TMOD3: variants seen among roughly 807,000 people sequenced by gnomAD.
TMOD3 encodes the protein tropomodulin 3, also known as tropomodulin-3.
A neutral mutation model predicts 39.2 loss-of-function variants in TMOD3; 20 were observed. That is an observed-to-expected ratio of 0.51 (90% CI 0.36 to 0.74). The LOEUF is 0.74. Among genes scored for constraint, TMOD3 ranks in the 30% least tolerant of loss-of-function variants. The pLI is 0.00. For synonymous variants in TMOD3, 143 were observed against 145.8 expected (o/e 0.98, Z 0.14); for missense variants, 381 against 412.8 (o/e 0.92, Z 0.67).
At chr15:51,860,580 A>T in intron 1 of TMOD3, 1 of 561,950 alleles carries the variant, frequency 1.8e-6, no homozygotes, top group Non-Finnish European at 3.5e-6. Context: ...GTTGGAATGA[A>T]TGGCCAACAT....
rs537928199 is a variant in TMOD3 at position 51,893,376 on chromosome 15, G to T, written c.497-439G>T. 2.3e-4 allele frequency among the ~76,000 whole-genome samples: 35 copies of T among 151,604 alleles called. No individual in the cohort carries two copies. In the South Asian group the frequency reaches 7.3e-3, roughly 32 times the overall value. ...TAAAGGATCTTTTCGGAATTGTGGG[G>T]ATGGAACTTTTAAATCTGTCCCCTT... On this transcript the variant is annotated intron_variant, in intron 5 of 9. Coordinates refer to ENST00000308580, the MANE Select transcript of TMOD3 (RefSeq NM_014547.5).
rs2056715716 is a variant in TMOD3, at chr15:51,912,355, A to T, written c.*3545A>T. 1 of 151,704 alleles carries T rather than the reference A, an allele frequency of 6.6e-6. No individual in the cohort carries two copies. Among genetic ancestry groups the T allele is most frequent in the Non-Finnish European group, 1.5e-5 (1 of 67,972 alleles). 9.4% of individuals were successfully genotyped at this position (151,704 alleles called of 1,614,324 possible). ...GGCAGGAGAATCACTAGAACTCGGG[A>T]GGCGGAGGTTGCAGTTAGCTGAGGT... On this transcript the variant is annotated 3_prime_UTR_variant, in exon 10 of 10. Transcript: ENST00000308580.
rs575263003 is a variant in TMOD3, at chr15:51,884,439, A to C, written c.284-3150A>C. 4.6e-5 allele frequency: 7 copies of C among 152,342 alleles called. No homozygotes were observed. In the East Asian group the frequency reaches 1.3e-3, roughly 29 times the overall value. The allele number at this position is 152,342 out of a possible 1,614,324, so 9.4% of individuals were successfully genotyped here. On this transcript the variant is annotated intron_variant, in intron 3 of 9. Transcript: ENST00000308580. ...GATTTCAGTTTGGGACAGACACTAT[A>C]GTTGCCCATTGAACAACCATTCACA...
intron 1 of TMOD3, among the ~76,000 whole-genome samples, chr15:51,856,153 C>A (rs2056386722): frequency 6.6e-6 from 1 of 152,134 alleles, no homozygotes; most frequent in East Asian, 1.9e-4. Context: ...TTCCCAGCTA[C>A]CTGGTAGGCT....
chr15:51,862,697 G>T (rs1253492573), intron 1 of TMOD3, 114 bp from the exon 2 acceptor site: 1 of 379,378 alleles, frequency 2.6e-6, no homozygotes, highest in Non-Finnish European at 4.6e-6. Flanking sequence ...TATGTGATAT[G>T]TGATCAAAGA....
intron 3 of TMOD3, among the ~76,000 whole-genome samples, chr15:51,872,237 A>G (rs145228903): frequency 2.0e-5 from 3 of 152,308 alleles, no homozygotes; most frequent in Admixed American, 2.0e-4. Context: ...TCTACTAAAA[A>G]TACAAAATAG....
At chr15:51,873,883 A>G (rs2056488342) in intron 3 of TMOD3, among the ~76,000 whole-genome samples, 1 of 152,130 alleles carries the variant, frequency 6.6e-6, no homozygotes, top group South Asian at 2.1e-4. Flanking sequence ...TGGCCTCCCA[A>G]AGTGCTGGGA....
intron 1 of TMOD3, among the ~76,000 whole-genome samples, chr15:51,862,048 G>C (rs192128968): frequency 1.6e-3 from 246 of 152,264 alleles, no homozygotes; most frequent in Non-Finnish European, 3.0e-3. Flanking sequence ...CGAATCAGCA[G>C]ATGATTAGCT....
At chr15:51,903,177 T>G (rs560713166) in intron 9 of TMOD3, among the ~76,000 whole-genome samples, 6 of 152,200 alleles carry the variant, frequency 3.9e-5, no homozygotes, top group Non-Finnish European at 8.8e-5. Flanking sequence ...TACATCTAGG[T>G]CAGTAATCTC....
chr15:51,843,607 T>C (rs1443464987), intron 1 of TMOD3, among the ~76,000 whole-genome samples: 1 of 152,168 alleles, frequency 6.6e-6, no homozygotes, highest in Non-Finnish European at 1.5e-5. Flanking sequence ...ACTTCCTCTT[T>C]TTATGAGGTT....
At chr15:51,886,729 G>A (rs964604626) in intron 3 of TMOD3, among the ~76,000 whole-genome samples, 1 of 152,174 alleles carries the variant, frequency 6.6e-6, no homozygotes, top group African/African-American at 2.4e-5. Flanking sequence ...GGGAGAGGGA[G>A]AGGGAGAGGG....
At position 51,889,116 on chromosome 15, in the gene TMOD3, G is replaced by A. The variant is rs2141700937; in HGVS notation, c.467G>A (p.Ser156Asn). ...NTKFCNIMGS[S>N]NGVDQEHFSN... Reference sequence around the variant, plus strand: ...AAGTTCTGTAATATAATGGGAAGTAGTAATGGTGTTGACCAAGAACATTTT... The same window carrying A: ...AAGTTCTGTAATATAATGGGAAGTAATAATGGTGTTGACCAAGAACATTTT... The change falls in exon 5 of 10, where the codon AGT becomes AAT. Residue 156 changes from serine (S) to asparagine (N), a missense_variant. By Grantham distance (46) the Ser-to-Asn change is conservative. Coordinates refer to ENST00000308580, the MANE Select transcript of TMOD3 (RefSeq NM_014547.5). 1.2e-6 allele frequency: 2 copies of A among 1,603,138 alleles called. No homozygotes were observed. Among genetic ancestry groups the A allele is most frequent in the East Asian group, 2.3e-5 (1 of 44,430 alleles).
At chr15:51,869,821 C>T (rs1174935418) in intron 3 of TMOD3, among the ~76,000 whole-genome samples, 1 of 152,112 alleles carries the variant, frequency 6.6e-6, no homozygotes, top group Non-Finnish European at 1.5e-5. Context: ...GTTATGATTG[C>T]TAATGCTTCA....
chr15:51,901,582 TG>T, intron 8 of TMOD3: 1 of 279,162 alleles, frequency 3.6e-6, no homozygotes, highest in South Asian at 5.0e-5. Context: ...AGTGTGTGTG[TG>T]TGTGTGTGTG....
intron 1 of TMOD3, among the ~76,000 whole-genome samples, chr15:51,839,163 C>CTTT (rs111813783): frequency 0.017 from 1,863 of 109,812 alleles, 289 homozygotes; most frequent in Admixed American, 0.044. Context: ...AGGTGTATCT[C>CTTT]TCTTTTTTTT....
chr15:51,849,572 A>G (rs1171515677), intron 1 of TMOD3, among the ~76,000 whole-genome samples: 1 of 152,124 alleles, frequency 6.6e-6, no homozygotes, highest in Non-Finnish European at 1.5e-5. Flanking sequence ...GGAAGGACCA[A>G]GAAAAAATGA....
chr15:51,831,743 T>G (rs1164554397), intron 1 of TMOD3, among the ~76,000 whole-genome samples: 4 of 152,086 alleles, frequency 2.6e-5, no homozygotes, highest in African/African-American at 4.8e-5. Context: ...CTTTTTTCTC[T>G]TTGCTTTTTT....
At chr15:51,850,671 A>G (rs565297046) in intron 1 of TMOD3, among the ~76,000 whole-genome samples, 3 of 152,228 alleles carry the variant, frequency 2.0e-5, no homozygotes, top group Non-Finnish European at 4.4e-5. Flanking sequence ...CAGTTCATGT[A>G]TTTTTTCTCC....
chr15:51,832,428 C>T (rs888331198), intron 1 of TMOD3, among the ~76,000 whole-genome samples: 14 of 151,708 alleles, frequency 9.2e-5, no homozygotes, highest in Admixed American at 8.6e-4. Context: ...TCATCTCTTT[C>T]CCCAGGCTAT....
Sources: gnomAD v4.1 joint callset for allele counts (sites outside exome capture counted in the v4.1 genomes callset) on GRCh38, gnomAD v4.1.1 for gene constraint, MANE v1.5 for transcripts, NCBI Gene and HGNC (gene_info 2026-07-23, HGNC 2026-07-21) for gene names.